The following APBB1IP variants were observed in gnomAD, a reference collection of about 807,000 sequenced individuals.
APBB1IP encodes amyloid beta A4 precursor protein-binding family B member 1-interacting protein.
Under a neutral mutation model 64.9 loss-of-function variants are expected in APBB1IP, and 27 were observed. That is an observed-to-expected ratio of 0.42 (90% CI 0.31 to 0.57). APBB1IP has a LOEUF of 0.57. APBB1IP is among the 20% of genes least tolerant of loss of function. The pLI is 0.20. For missense variants in APBB1IP, 812 were observed against 845.5 expected (o/e 0.96, Z 0.49); for synonymous variants, 392 against 331.0 (o/e 1.18, Z -2.00).
At chr10:26,440,744 T>C (rs1835330153) in intron 2 of APBB1IP, among the ~76,000 whole-genome samples, 1 of 152,206 alleles carries the variant, frequency 6.6e-6, no homozygotes, top group African/African-American at 2.4e-5. Flanking sequence ...TTATCCACTA[T>C]TGATTTGCCT....
Position 26,567,677 on chromosome 10 carries a change from T to C in APBB1IP, c.*189T>C. ...CAGAATATCTGCCCAAATGTACATA[T>C]CGTTCCCATGTATTTTAACCTAAAT... On this transcript the variant is annotated 3_prime_UTR_variant, in exon 15 of 15. Coordinates refer to ENST00000376236, the MANE Select transcript of APBB1IP (RefSeq NM_019043.4). 2 of 1,309,430 alleles carry C rather than the reference T, an allele frequency of 1.5e-6. No individual in the cohort carries two copies. The highest frequency in any genetic ancestry group is 2.0e-6 in the Non-Finnish European group (2 of 1,009,630). The allele number at this position is 1,309,430 out of a possible 1,614,324, so 81.1% of individuals were successfully genotyped here.
At chr10:26,559,738 C>T (rs995590306) in intron 11 of APBB1IP, among the ~76,000 whole-genome samples, 2 of 151,580 alleles carry the variant, frequency 1.3e-5, no homozygotes, top group African/African-American at 4.8e-5. Flanking sequence ...TCTCCCTCAG[C>T]CTCCCGAGTA....
intron 2 of APBB1IP, among the ~76,000 whole-genome samples, chr10:26,472,558 C>T (rs1341489048): frequency 7.7e-6 from 1 of 129,504 alleles, no homozygotes; most frequent in Non-Finnish European, 1.7e-5. Context: ...TCAGTATCCT[C>T]ATCGTGTTTG....
At position 26,511,749 on chromosome 10, in the gene APBB1IP, C is replaced by G; in HGVS notation, c.534C>G (p.Leu178=). 2 of 1,614,060 alleles carry G rather than the reference C, an allele frequency of 1.2e-6. No homozygotes were observed. Among genetic ancestry groups the G allele is most frequent in the Middle Eastern group, 1.7e-4 (1 of 6,060 alleles). ...EKLKEAKVKK[L]VVKVHMNDNS... ...CTGCCCCATGGTTCTATCCTCAGCT[C>G]GTCGTCAAGGTGCACATGAATGATA... The change falls in exon 7 of 15, where the codon CTC becomes CTG. Residue 178 remains leucine, a splice_region_variant and synonymous_variant. Coordinates refer to ENST00000376236, the MANE Select transcript of APBB1IP (RefSeq NM_019043.4).
chr10:26,479,513 C>T (rs932711912), intron 2 of APBB1IP, among the ~76,000 whole-genome samples: 1 of 151,820 alleles, frequency 6.6e-6, no homozygotes, highest in African/African-American at 2.4e-5. Context: ...AACTGTGATA[C>T]TTTACTGTGA....
chr10:26,455,742 C>T (rs910790995), intron 2 of APBB1IP, among the ~76,000 whole-genome samples: 3 of 151,812 alleles, frequency 2.0e-5, no homozygotes, highest in African/African-American at 7.3e-5. Context: ...AACAGTGTGT[C>T]AATTCTTCAA....
chr10:26,550,380 G>A (rs902793505), intron 11 of APBB1IP, among the ~76,000 whole-genome samples: 8 of 151,860 alleles, frequency 5.3e-5, no homozygotes, highest in Non-Finnish European at 1.2e-4. Context: ...TTTAAAGTTA[G>A]TTACATGTAG....
intron 5 of APBB1IP, among the ~76,000 whole-genome samples, chr10:26,502,973 T>C (rs547814198): frequency 2.0e-5 from 3 of 152,354 alleles, no homozygotes; most frequent in Admixed American, 2.0e-4. Flanking sequence ...TCATCTAAAT[T>C]CTGAAAATTG....
At chr10:26,549,837 A>G (rs987697603) in intron 11 of APBB1IP, among the ~76,000 whole-genome samples, 2 of 151,660 alleles carry the variant, frequency 1.3e-5, no homozygotes, top group African/African-American at 4.8e-5. Flanking sequence ...ATTAATCTCT[A>G]TTTCATTTAT....
At chr10:26,547,233 TA>T (rs1836777211) in intron 11 of APBB1IP, among the ~76,000 whole-genome samples, 3 of 152,226 alleles carry the variant, frequency 2.0e-5, no homozygotes, top group African/African-American at 7.2e-5. Context: ...GTCCATTTTT[TA>T]AAAATTGGAT....
intron 2 of APBB1IP, among the ~76,000 whole-genome samples, chr10:26,490,049 A>T (rs1835936487): frequency 6.6e-6 from 1 of 152,170 alleles, no homozygotes; most frequent in Admixed American, 6.6e-5. Flanking sequence ...AGGAAGAAGA[A>T]GATCAATGGA....
At chr10:26,487,211 CCTCTCTCTCT>C (rs371254233) in intron 2 of APBB1IP, among the ~76,000 whole-genome samples, 1 of 126,790 alleles carries the variant, frequency 7.9e-6, no homozygotes, top group African/African-American at 3.2e-5. Flanking sequence ...TTTTTTTTTT[CCTCTCTCTCT>C]CTCTCTCTCT....
At chr10:26,465,560 A>G (rs1835638810) in intron 2 of APBB1IP, among the ~76,000 whole-genome samples, 1 of 152,192 alleles carries the variant, frequency 6.6e-6, no homozygotes, top group Non-Finnish European at 1.5e-5. Context: ...ACAATGCTCA[A>G]ATTCTCCATA....
chr10:26,488,746 C>T (rs1047954786), intron 2 of APBB1IP, among the ~76,000 whole-genome samples: 4 of 152,168 alleles, frequency 2.6e-5, no homozygotes, highest in Admixed American at 6.5e-5. Flanking sequence ...TTCCATCATC[C>T]GTCACTGATG....
chr10:26,536,046 T>C, intron 9 of APBB1IP, 28 bp from the exon 10 acceptor site: 1 of 1,566,216 alleles, frequency 6.4e-7, no homozygotes, highest in African/African-American at 1.4e-5. Context: ...TTCGTGTGTG[T>C]CTTATGTCGT....
rs1243526207 is a variant in APBB1IP, at chr10:26,513,789, G to T, written c.813+129G>T. On this transcript the variant is annotated intron_variant, in intron 8 of 14. Transcript: ENST00000376236. ...ACGGAGTCTCGAAGGCTGGAGTGCA[G>T]TGGCGTGATCTTGGCTCACTACAAC... 2.6e-6 allele frequency: 3 copies of T among 1,169,324 alleles called. No homozygotes were observed. The African/African-American group carries it at 4.8e-5, about 19-fold the overall frequency. The allele number at this position is 1,169,324 out of a possible 1,614,324, so 72.4% of individuals were successfully genotyped here. A position where few individuals can be genotyped will look rare whatever the true frequency, so the allele number is the denominator to read the frequency against.
chr10:26,560,015 T>C lies in APBB1IP; in HGVS notation c.1156-90T>C, dbSNP rs1836946624. On this transcript the variant is annotated intron_variant, in intron 11 of 14. Transcript: ENST00000376236. ...TTTGCCACATAAATCACATATATTG[T>C]TAGAGATTTTTTTTAAATTTCCTGA... 2.8e-6 allele frequency: 3 copies of C among 1,055,342 alleles called. No homozygotes were observed. In the South Asian group the frequency reaches 3.8e-5, roughly 14 times the overall value. The allele number at this position is 1,055,342 out of a possible 1,614,324, so 65.4% of individuals were successfully genotyped here. A position where few individuals can be genotyped will look rare whatever the true frequency, so the allele number is the denominator to read the frequency against.
At chr10:26,473,054 A>G (rs953797411) in intron 2 of APBB1IP, among the ~76,000 whole-genome samples, 8 of 152,208 alleles carry the variant, frequency 5.3e-5, no homozygotes, top group Non-Finnish European at 2.9e-5. Flanking sequence ...TTGACAATAC[A>G]AAGATTCTAA....
intron 10 of APBB1IP, among the ~76,000 whole-genome samples, chr10:26,539,967 C>CA (rs1358486904): frequency 2.0e-5 from 3 of 152,116 alleles, no homozygotes; most frequent in Non-Finnish European, 4.4e-5. Flanking sequence ...AAGAGACACT[C>CA]ACGCCTGGGA....
Sources: gnomAD v4.1 joint callset for allele counts (sites outside exome capture counted in the v4.1 genomes callset) on GRCh38, gnomAD v4.1.1 for gene constraint, MANE v1.5 for transcripts, NCBI Gene and HGNC (gene_info 2026-07-23, HGNC 2026-07-21) for gene names.